HTR1E: variants seen among roughly 807,000 people sequenced by gnomAD.
The protein encoded by HTR1E is 5-HT-1E.
In HTR1E, 3 loss-of-function variants were observed where a neutral mutation model predicts 3.4. The observed-to-expected ratio is 0.89, with a 90% CI of 0.41 to 2.31. The LOEUF (loss-of-function observed/expected upper bound fraction) is 2.31. Among genes scored for constraint, HTR1E ranks in the 30% most tolerant of loss-of-function variants. The pLI is 0.05. For synonymous variants in HTR1E, 170 were observed against 182.8 expected (o/e 0.93, Z 0.56); for missense variants, 392 against 467.0 (o/e 0.84, Z 1.48).
intron 1 of HTR1E, among the ~76,000 whole-genome samples, chr6:87,010,077 C>T (rs1356910452): frequency 2.2e-5 from 3 of 137,926 alleles, no homozygotes; most frequent in Non-Finnish European, 1.6e-5. Context: ...CCCCACCTCC[C>T]TCCCGGACGG....
At chr6:86,970,775 T>C in intron 1 of HTR1E, 1 of 229,412 alleles carries the variant, frequency 4.4e-6, no homozygotes, top group Non-Finnish European at 8.6e-6. Flanking sequence ...CTGAAAGGTA[T>C]TATTGCAGCT....
chr6:87,009,591 G>A (rs1269747395), intron 1 of HTR1E, among the ~76,000 whole-genome samples: 46 of 148,802 alleles, frequency 3.1e-4, no homozygotes, highest in African/African-American at 1.0e-3. Flanking sequence ...CCTCCCAGAC[G>A]GGGTGGTGGC....
At chr6:87,010,546 G>A (rs1317110071) in intron 1 of HTR1E, among the ~76,000 whole-genome samples, 9 of 139,830 alleles carry the variant, frequency 6.4e-5, no homozygotes, top group South Asian at 5.3e-4. Context: ...CATCTCAGAC[G>A]ATGGGCGGCC....
At chr6:86,953,423 G>T (rs1241930169) in intron 1 of HTR1E, among the ~76,000 whole-genome samples, 1 of 152,152 alleles carries the variant, frequency 6.6e-6, no homozygotes, top group Non-Finnish European at 1.5e-5. Flanking sequence ...GAGCTGGCAG[G>T]TCAGTTACAA....
At chr6:86,999,040 A>G (rs1397074139) in intron 1 of HTR1E, among the ~76,000 whole-genome samples, 2 of 152,058 alleles carry the variant, frequency 1.3e-5, no homozygotes, top group Non-Finnish European at 2.9e-5. Context: ...GCTCACTACA[A>G]CCTCTGCCTC....
Position 87,016,087 on chromosome 6 carries a change from C to A in HTR1E, c.753C>A (p.Asp251Glu), listed in dbSNP as rs142892386. The change falls in exon 2 of 2, where the codon GAC (aspartate) becomes GAA (glutamate). Residue 251 changes from aspartate (D) to glutamate (E), a missense_variant. Physicochemically the swap from Asp to Glu is conservative, Grantham distance 45. This residue lies in a region of HTR1E where 178 missense variants were observed against 164.9 expected (regional missense o/e 1.08). Transcript: ENST00000305344. ...GTGTGTCTGACTTCTCCACCTCAGA[C>A]CCTACCACAGAGTTTGAAAAGTTCC... ...TFCVSDFSTS[D>E]PTTEFEKFHA... 3.1e-6 allele frequency: 5 copies of A among 1,614,164 alleles called. No homozygotes were observed. The Admixed American group carries it at 6.7e-5, about 22-fold the overall frequency.
chr6:86,954,891 T>C (rs1886333), intron 1 of HTR1E, among the ~76,000 whole-genome samples: 34,030 of 152,100 alleles, frequency 0.22, 4,400 homozygotes, highest in African/African-American at 0.36. Flanking sequence ...GATTTTCTCC[T>C]TCTTATCTTG....
chr6:86,946,037 C>A (rs1768611718), intron 1 of HTR1E, among the ~76,000 whole-genome samples: 1 of 151,994 alleles, frequency 6.6e-6, no homozygotes, highest in Non-Finnish European at 1.5e-5. Flanking sequence ...CCACACCCGG[C>A]CTAATTAAAA....
intron 1 of HTR1E, among the ~76,000 whole-genome samples, chr6:86,959,506 C>T (rs1184040370): frequency 6.6e-6 from 1 of 152,094 alleles, no homozygotes; most frequent in Non-Finnish European, 1.5e-5. Context: ...ATGCTTGAAC[C>T]CAGATGGTCA....
chr6:87,008,155 A>G (rs776708600), intron 1 of HTR1E, among the ~76,000 whole-genome samples: 2 of 152,206 alleles, frequency 1.3e-5, no homozygotes, highest in Non-Finnish European at 2.9e-5. Flanking sequence ...ATCACATGTC[A>G]TATTCCAATC....
chr6:86,959,227 C>T (rs1767371358), intron 1 of HTR1E, among the ~76,000 whole-genome samples: 2 of 151,822 alleles, frequency 1.3e-5, no homozygotes, highest in Non-Finnish European at 2.9e-5. Flanking sequence ...TCTGCTTTAC[C>T]TGAAGTCCAC....
chr6:86,981,178 T>C (rs1474074413), intron 1 of HTR1E, among the ~76,000 whole-genome samples: 4 of 152,226 alleles, frequency 2.6e-5, no homozygotes, highest in Non-Finnish European at 5.9e-5. Context: ...GTGGTTCCCA[T>C]GCCTGTGCCT....
chr6:87,001,026 AG>A (rs1768016000), intron 1 of HTR1E, among the ~76,000 whole-genome samples: 1 of 152,158 alleles, frequency 6.6e-6, no homozygotes, highest in African/African-American at 2.4e-5. Context: ...CATTTTTATT[AG>A]TTTTCTCTTT....
chr6:87,003,321 T>G (rs1156309099), intron 1 of HTR1E, among the ~76,000 whole-genome samples: 2 of 152,138 alleles, frequency 1.3e-5, no homozygotes, highest in African/African-American at 4.8e-5. Flanking sequence ...GTGGATCACC[T>G]GAGGTCAGGA....
chr6:86,977,752 A>G (rs1014755394), intron 1 of HTR1E, among the ~76,000 whole-genome samples: 8 of 152,114 alleles, frequency 5.3e-5, no homozygotes, highest in African/African-American at 1.9e-4. Context: ...GGTGTCTCAG[A>G]ATGGTGAGAT....
At chr6:86,980,342 G>A (rs1362655709) in intron 1 of HTR1E, among the ~76,000 whole-genome samples, 8 of 149,868 alleles carry the variant, frequency 5.3e-5, no homozygotes, top group African/African-American at 1.7e-4. Flanking sequence ...AGCCAAGATC[G>A]AGCCACTGCA....
In HTR1E at chr6:86,992,284, A is replaced by G. The variant is rs145686926; in HGVS notation, c.-185-22866A>G. ...TATGTAGATAGGGAAAATTACTTGT[A>G]TAACTTGCCCTTTTTCTCCTCATCT... On this transcript the variant is annotated intron_variant, in intron 1 of 1. Transcript: ENST00000305344. Among the ~76,000 whole-genome samples the G allele has an allele frequency of 3.6e-3, 546 of 152,362 alleles. 3 individuals carry two copies. The highest frequency in any genetic ancestry group is 0.013 in the African/African-American group (525 of 41,582).
At chr6:86,944,301 G>A (rs1768584986) in intron 1 of HTR1E, among the ~76,000 whole-genome samples, 1 of 152,156 alleles carries the variant, frequency 6.6e-6, no homozygotes, top group Non-Finnish European at 1.5e-5. Context: ...TACACAGTGG[G>A]AGGAATACCT....
At chr6:86,948,748 G>T (rs922962970) in intron 1 of HTR1E, among the ~76,000 whole-genome samples, 1 of 152,098 alleles carries the variant, frequency 6.6e-6, no homozygotes, top group Non-Finnish European at 1.5e-5. Flanking sequence ...CACTGTGATT[G>T]GTTCAGGGAT....
Sources: gnomAD v4.1 joint callset for allele counts (sites outside exome capture counted in the v4.1 genomes callset) on GRCh38, gnomAD v4.1.1 for gene constraint, gnomAD v4.1.1 regional missense constraint, MANE v1.5 for transcripts, NCBI Gene and HGNC (gene_info 2026-07-23, HGNC 2026-07-21) for gene names.